LMF1: variants seen among roughly 807,000 people sequenced by gnomAD.
The protein encoded by LMF1 is lipase maturation factor 1.
Under a neutral mutation model 60.6 loss-of-function variants are expected in LMF1, and 68 were observed. That is an observed-to-expected ratio of 1.12 (90% confidence interval 0.92 to 1.37). LMF1 has a LOEUF of 1.37. Ranked by LOEUF, LMF1 falls within the 40% of genes most tolerant of loss-of-function variation. The pLI is 0.00. For synonymous variants in LMF1, 418 were observed against 324.7 expected (o/e 1.29, Z -3.09); for missense variants, 948 against 767.2 (o/e 1.24, Z -2.78).
At chr16:949,442 C>A (rs529666025) in intron 2 of LMF1, among the ~76,000 whole-genome samples, 2 of 141,522 alleles carry the variant, frequency 1.4e-5, no homozygotes, top group African/African-American at 5.1e-5. Flanking sequence ...GTCAGGCCAA[C>A]GACAGAGTCA....
chr16:927,680 G>A (rs1033739525), intron 3 of LMF1, among the ~76,000 whole-genome samples: 1 of 152,224 alleles, frequency 6.6e-6, no homozygotes, highest in African/African-American at 2.4e-5. Flanking sequence ...CCCAGGCGGA[G>A]CTCACCCGGC....
intron 3 of LMF1, among the ~76,000 whole-genome samples, chr16:918,453 CAA>C (rs1429339439): frequency 6.6e-6 from 1 of 152,250 alleles, no homozygotes; most frequent in Non-Finnish European, 1.5e-5. Context: ...GACTTCGCGG[CAA>C]AGAGTGTTTA....
Position 914,992 on chromosome 16 carries a change from C to T in LMF1, c.515-3913G>A, listed in dbSNP as rs56294860. ...CCTAAATCGGCGTCTCTAAGGACTCCGGCCTCGCTGCTGCCTGCTCGGCTG... is the reference window on the plus strand; with the variant it reads ...CCTAAATCGGCGTCTCTAAGGACTCTGGCCTCGCTGCTGCCTGCTCGGCTG... On this transcript the variant is annotated intron_variant, in intron 3 of 10. Transcript: ENST00000262301. 1.4e-3 allele frequency among the ~76,000 whole-genome samples: 209 copies of T among 152,370 alleles called. 1 individual carries two copies. The highest frequency in any genetic ancestry group is 2.3e-3 in the Non-Finnish European group (155 of 68,038).
Position 879,668 on chromosome 16 carries a change from T to A in LMF1, c.799A>T (p.Thr267Ser). 3 of 1,611,198 alleles carry A rather than the reference T, an allele frequency of 1.9e-6. No individual in the cohort carries two copies. In the South Asian group the frequency reaches 3.3e-5, roughly 18 times the overall value. Residue 267 changes from threonine (T) to serine (S), a missense_variant, in exon 6 of 11, where the codon ACG (threonine) becomes TCG (serine). By Grantham distance (58) the Thr-to-Ser change is moderately conservative. Coordinates refer to ENST00000262301, the MANE Select transcript of LMF1 (RefSeq NM_022773.4). ...HSPWWFHRFE[T>S]LSNHFIELLV... ...AGCTCGATGAAGTGGTTGCTGAGCGTCTCGAAGCGATGGAACCACCAGGGT... is the reference window on the plus strand; with the variant it reads ...AGCTCGATGAAGTGGTTGCTGAGCGACTCGAAGCGATGGAACCACCAGGGT...
intron 4 of LMF1, among the ~76,000 whole-genome samples, chr16:906,817 C>CA (rs892582511): frequency 5.3e-5 from 8 of 152,076 alleles, no homozygotes; most frequent in Non-Finnish European, 1.2e-4. Context: ...ATCTAAGAGT[C>CA]AGTTTATCTG....
chr16:923,027 C>T (rs1328197385), intron 3 of LMF1, among the ~76,000 whole-genome samples: 1 of 126,850 alleles, frequency 7.9e-6, no homozygotes, highest in African/African-American at 3.2e-5. Flanking sequence ...GTTGCGAAGG[C>T]CCTGTGTGAA....
In LMF1 at chr16:911,003, G is replaced by A. The variant is rs748078980; in HGVS notation, c.591C>T (p.Pro197=). The change falls in exon 4 of 11, where the codon CCC becomes CCT. Residue 197 remains proline, a synonymous_variant. Coordinates refer to ENST00000262301, the MANE Select transcript of LMF1 (RefSeq NM_022773.4). ...LCPLWTLSRL[P]QHTPTSRIVL... is the part of the protein sequence containing the mutation. ...CAATCCGGGATGTGGGGGTATGCTG[G>A]GGCAGCCTTGACAGCGTCCACAGAG... 1.4e-5 allele frequency: 23 copies of A among 1,612,926 alleles called. No individual in the cohort carries two copies. In the Admixed American group the frequency reaches 3.0e-4, roughly 21 times the overall value.
chr16:975,930 T>C (rs764525283), upstream of LMF1: 13 of 416,166 alleles, frequency 3.1e-5, no homozygotes, highest in Non-Finnish European at 5.1e-5. Flanking sequence ...CTGGTTATAC[T>C]TGAAATGGGG....
chr16:975,326 T>C (rs1206216473), upstream of LMF1, among the ~76,000 whole-genome samples: 1 of 152,194 alleles, frequency 6.6e-6, no homozygotes, highest in Non-Finnish European at 1.5e-5. Context: ...TGTGTAATTT[T>C]TTTTTTTTCT....
intron 3 of LMF1, chr16:933,522 G>C (rs899953734): frequency 1.2e-5 from 2 of 164,400 alleles, no homozygotes; most frequent in African/African-American, 4.8e-5. Flanking sequence ...GAGAGCCAGA[G>C]AGTTCGGGGC....
chr16:898,851 G>C (rs1567204981), intron 4 of LMF1: 2 of 152,306 alleles, frequency 1.3e-5, no homozygotes, highest in African/African-American at 4.8e-5. Context: ...TGGACTTACT[G>C]TATTTTTATT....
intron 1 of LMF1, among the ~76,000 whole-genome samples, chr16:957,018 G>A (rs1285266720): frequency 6.6e-6 from 1 of 152,004 alleles, no homozygotes; most frequent in South Asian, 2.1e-4. Flanking sequence ...TTAGTCGGAT[G>A]TGGTGGTGCA....
At chr16:903,713 G>T (rs1380177554) in intron 4 of LMF1, 2 of 117,444 alleles carry the variant, frequency 1.7e-5, no homozygotes, top group East Asian at 2.9e-4. Flanking sequence ...CCCACAGGAC[G>T]CCTATCTCTG....
At chr16:871,499 T>C in intron 6 of LMF1, 158 bp from the exon 7 acceptor site, 1 of 716,766 alleles carries the variant, frequency 1.4e-6, no homozygotes, top group Admixed American at 2.8e-5. Flanking sequence ...AACCCAGCTG[T>C]GCCTTCATGG....
intron 1 of LMF1, chr16:964,114 C>T: frequency 2.2e-6 from 1 of 455,928 alleles, no homozygotes; most frequent in Non-Finnish European, 4.4e-6. Context: ...GCAGGCATGG[C>T]CGATAAATAC....
At chr16:912,663 G>A (rs1400982770) in intron 3 of LMF1, among the ~76,000 whole-genome samples, 2 of 152,150 alleles carry the variant, frequency 1.3e-5, no homozygotes, top group South Asian at 2.1e-4. Flanking sequence ...CCTCCACCTC[G>A]CTCACGCCCC....
chr16:928,879 C>T (rs901244918), intron 3 of LMF1, among the ~76,000 whole-genome samples: 2 of 152,214 alleles, frequency 1.3e-5, no homozygotes, highest in East Asian at 1.9e-4. Flanking sequence ...AATTACAAAA[C>T]GATTTTGGGG....
chr16:907,278 G>A (rs12719812), intron 4 of LMF1, among the ~76,000 whole-genome samples: 43,776 of 151,826 alleles, frequency 0.29, 8,278 homozygotes, highest in African/African-American at 0.52. Flanking sequence ...GCAGGTTCCT[G>A]TAGTCCCAGC....
chr16:882,524 C>T (rs976455764), intron 5 of LMF1, among the ~76,000 whole-genome samples: 11 of 152,252 alleles, frequency 7.2e-5, no homozygotes, highest in Non-Finnish European at 1.2e-4. Context: ...CTTCCTGGAC[C>T]TCCCGGCCTA....
Sources: gnomAD v4.1 joint callset for allele counts (sites outside exome capture counted in the v4.1 genomes callset) on GRCh38, gnomAD v4.1.1 for gene constraint, MANE v1.5 for transcripts, NCBI Gene and HGNC (gene_info 2026-07-23, HGNC 2026-07-21) for gene names.